The following ADAMTS20 variants were observed in gnomAD, a reference collection of about 807,000 sequenced individuals.
ADAMTS20 encodes ADAM metallopeptidase with thrombospondin type 1 motif 20.
A neutral mutation model predicts 260.1 loss-of-function variants in ADAMTS20; 225 were observed. The observed-to-expected ratio is 0.87, with a 90% CI of 0.78 to 0.97. ADAMTS20 has a LOEUF of 0.97. Ranked by LOEUF, ADAMTS20 falls within the 50% of genes least tolerant of loss-of-function variation. The probability of loss-of-function intolerance (pLI) is 0.00; values close to 1 mark genes in which losing one functional copy is unlikely to be tolerated. For missense variants in ADAMTS20, 2,400 were observed against 2,337.7 expected (o/e 1.03, Z -0.55); for synonymous variants, 802 against 769.5 (o/e 1.04, Z -0.70).
chr12:43,402,154 T>C (rs1422080506), intron 28 of ADAMTS20, among the ~76,000 whole-genome samples: 1 of 152,026 alleles, frequency 6.6e-6, no homozygotes, highest in Non-Finnish European at 1.5e-5. Context: ...TTCCTGAAGG[T>C]CAAGTCCTTT....
chr12:43,367,708 G>A (rs1450939578), intron 37 of ADAMTS20, among the ~76,000 whole-genome samples: 1 of 151,934 alleles, frequency 6.6e-6, no homozygotes, highest in East Asian at 1.9e-4. Flanking sequence ...ACAAGATAAA[G>A]AAATTAAAGA....
At chr12:43,532,492 G>A (rs938883810) in intron 2 of ADAMTS20, among the ~76,000 whole-genome samples, 3 of 150,716 alleles carry the variant, frequency 2.0e-5, no homozygotes, top group Non-Finnish European at 4.4e-5. Flanking sequence ...GTTTAGAATA[G>A]TCTATAAATA....
intron 10 of ADAMTS20, among the ~76,000 whole-genome samples, chr12:43,463,721 C>T (rs1942105344): frequency 6.6e-6 from 1 of 152,108 alleles, no homozygotes; most frequent in Non-Finnish European, 1.5e-5. Flanking sequence ...GCCTGTCCTA[C>T]ATTCTCTAAT....
chr12:43,432,141 C>T (rs1941456524), intron 21 of ADAMTS20, among the ~76,000 whole-genome samples, 163 bp downstream of exon 21: 1 of 152,188 alleles, frequency 6.6e-6, no homozygotes, highest in African/African-American at 2.4e-5. Flanking sequence ...GCATGAGACA[C>T]TGTGTGCCTG....
At chr12:43,423,556 A>T (rs1269051286) in intron 28 of ADAMTS20, 21 of 592,338 alleles carry the variant, frequency 3.5e-5, no homozygotes, top group Non-Finnish European at 6.0e-5. Context: ...ATTGGGAAAA[A>T]ATTCCAAGAA....
At chr12:43,382,721 A>C (rs1414784453) in intron 31 of ADAMTS20, among the ~76,000 whole-genome samples, 2 of 152,086 alleles carry the variant, frequency 1.3e-5, no homozygotes, top group Non-Finnish European at 2.9e-5. Context: ...TACCTACAAA[A>C]ATAAAAGTAA....
intron 6 of ADAMTS20, among the ~76,000 whole-genome samples, chr12:43,491,965 G>C (rs1454346822): frequency 6.6e-6 from 1 of 152,172 alleles, no homozygotes; most frequent in Non-Finnish European, 1.5e-5. Flanking sequence ...ACCTGACATT[G>C]CTAATTTCCT....
At chr12:43,434,556 A>G (rs1392792396) in intron 18 of ADAMTS20, among the ~76,000 whole-genome samples, 185 bp from the exon 19 acceptor site, 1 of 152,222 alleles carries the variant, frequency 6.6e-6, no homozygotes, top group Non-Finnish European at 1.5e-5. Flanking sequence ...AGTAAGCTGA[A>G]TCCTGAATGA....
At chr12:43,513,966 C>A (rs541176817) in intron 3 of ADAMTS20, among the ~76,000 whole-genome samples, 1 of 150,082 alleles carries the variant, frequency 6.7e-6, no homozygotes, top group Non-Finnish European at 1.5e-5. Context: ...TGTTAAATGA[C>A]GAGTTAATGG....
At chr12:43,527,174 C>T (rs1398437567) in intron 3 of ADAMTS20, among the ~76,000 whole-genome samples, 4 of 152,084 alleles carry the variant, frequency 2.6e-5, no homozygotes, top group African/African-American at 9.7e-5. Flanking sequence ...CAATAACATG[C>T]AGTAAAACTG....
intron 31 of ADAMTS20, 77 bp downstream of exon 31, chr12:43,383,481 G>A: frequency 7.0e-7 from 1 of 1,426,158 alleles, no homozygotes; most frequent in Non-Finnish European, 9.4e-7. Context: ...TTTATACCCA[G>A]TTTCAGCTGT....
rs537628683 is a variant in ADAMTS20, at chr12:43,513,703, C to T, written c.614-11298G>A. ...TAGACTGGATTAAGAAAATATGGCA[C>T]ATATACACCATGGAATACTATGCAG... is the stretch of plus-strand genomic sequence containing the variant. On this transcript the variant is annotated intron_variant, in intron 3 of 38. Coordinates refer to ENST00000389420, the MANE Select transcript of ADAMTS20 (RefSeq NM_025003.5). Among the ~76,000 whole-genome samples, 33 of 152,144 alleles carry T rather than the reference C, an allele frequency of 2.2e-4. No homozygotes were observed. The East Asian group carries it at 6.0e-3, about 28-fold the overall frequency.
chr12:43,381,223 A>G (rs1354194913), intron 31 of ADAMTS20, among the ~76,000 whole-genome samples: 1 of 152,174 alleles, frequency 6.6e-6, no homozygotes, highest in Non-Finnish European at 1.5e-5. Context: ...AAAATGTATC[A>G]AACTCCTAAT....
intron 29 of ADAMTS20, among the ~76,000 whole-genome samples, chr12:43,389,860 C>T (rs1940561549): frequency 6.6e-6 from 1 of 152,200 alleles, no homozygotes; most frequent in Admixed American, 6.5e-5. Flanking sequence ...TGGCCCTCTT[C>T]CTTGCTCATG....
chr12:43,399,023 T>C, intron 29 of ADAMTS20, 43 bp downstream of exon 29: 1 of 1,196,904 alleles, frequency 8.4e-7, no homozygotes, highest in Non-Finnish European at 1.1e-6. Context: ...TCTTTTTAAA[T>C]ACAAAAAAAT....
intron 7 of ADAMTS20, among the ~76,000 whole-genome samples, chr12:43,475,994 G>A (rs1440630458): frequency 7.2e-6 from 1 of 139,314 alleles, no homozygotes; most frequent in African/African-American, 2.7e-5. Flanking sequence ...ATTGACAAAT[G>A]GGATCTAAAT....
At chr12:43,367,771 G>C (rs1940018714) in intron 37 of ADAMTS20, among the ~76,000 whole-genome samples, 1 of 152,058 alleles carries the variant, frequency 6.6e-6, no homozygotes, top group Non-Finnish European at 1.5e-5. Context: ...TGACATCACT[G>C]TGTATAAAGA....
intron 28 of ADAMTS20, among the ~76,000 whole-genome samples, chr12:43,407,916 T>C (rs1940948919): frequency 6.6e-6 from 1 of 152,214 alleles, no homozygotes; most frequent in Non-Finnish European, 1.5e-5. Context: ...TAATATTCTT[T>C]GTATGTACTA....
chr12:43,489,378 G>A (rs535228627), intron 7 of ADAMTS20, among the ~76,000 whole-genome samples: 1 of 149,210 alleles, frequency 6.7e-6, no homozygotes, highest in East Asian at 1.9e-4. Flanking sequence ...GTGTCAGGAA[G>A]TTATCAAGAA....
Sources: gnomAD v4.1 joint callset for allele counts (sites outside exome capture counted in the v4.1 genomes callset) on GRCh38, gnomAD v4.1.1 for gene constraint, MANE v1.5 for transcripts, NCBI Gene and HGNC (gene_info 2026-07-23, HGNC 2026-07-21) for gene names.